PDE4B: variants seen among roughly 807,000 people sequenced by gnomAD.
The protein encoded by PDE4B is phosphodiesterase 4B.
A neutral mutation model predicts 82.2 loss-of-function variants in PDE4B; 20 were observed. That is an observed-to-expected ratio of 0.24 (90% CI 0.17 to 0.35). The LOEUF (loss-of-function observed/expected upper bound fraction) is 0.35. Among genes scored for constraint, PDE4B ranks in the 10% least tolerant of loss-of-function variants. The pLI is 1.00. For synonymous variants in PDE4B, 320 were observed against 318.9 expected, an observed-to-expected ratio of 1.00 and a Z score of -0.04; for missense variants, 655 against 907.2, an observed-to-expected ratio of 0.72 and a Z score of 3.57.
intron 8 of PDE4B, among the ~76,000 whole-genome samples, chr1:66,333,885 A>G (rs941722104): frequency 1.7e-4 from 26 of 152,220 alleles, no homozygotes; most frequent in Non-Finnish European, 3.1e-4. Context: ...GAAGGGAAAA[A>G]AAAAGAAAAG....
chr1:66,055,705 AG>A (rs1373710550), intron 3 of PDE4B, among the ~76,000 whole-genome samples: 1 of 152,234 alleles, frequency 6.6e-6, no homozygotes, highest in African/African-American at 2.4e-5. Context: ...TAAGAATGCC[AG>A]GTATTTTAAT....
intron 3 of PDE4B, among the ~76,000 whole-genome samples, chr1:66,082,676 G>A (rs12726241): frequency 0.23 from 34,943 of 149,762 alleles, 4,718 homozygotes; most frequent in Middle Eastern, 0.38. Flanking sequence ...CTTATAAAGC[G>A]CTCAGTAGAA....
chr1:66,189,219 T>C (rs514619), intron 3 of PDE4B, among the ~76,000 whole-genome samples: 111,035 of 151,706 alleles, frequency 0.73, 41,105 homozygotes, highest in Admixed American at 0.78. Flanking sequence ...AGTCTGATGG[T>C]TTCCCTTTGT....
At position 66,353,699 on chromosome 1, in the gene PDE4B, A is replaced by G. The variant is rs1662010831; in HGVS notation, c.748-1828A>G. Among the ~76,000 whole-genome samples, 5 of 152,198 alleles carry G rather than the reference A, an allele frequency of 3.3e-5. 1 individual carries two copies. In the South Asian group the frequency reaches 1.0e-3, roughly 32 times the overall value. ...CCTGTGCTTTAACGCTGACAAGGAG[A>G]AGGGAGGGGCTGGGAAGAAGGGAGA... On this transcript the variant is annotated intron_variant, in intron 8 of 16. Transcript: ENST00000341517.
At chr1:66,185,476 A>G (rs997519954) in intron 3 of PDE4B, among the ~76,000 whole-genome samples, 39 of 151,760 alleles carry the variant, frequency 2.6e-4, no homozygotes, top group Non-Finnish European at 5.3e-4. Context: ...AAGTGTTCCT[A>G]TTTCTCCACA....
intron 3 of PDE4B, among the ~76,000 whole-genome samples, chr1:66,130,458 T>G (rs1229624845): frequency 1.3e-5 from 2 of 152,094 alleles, no homozygotes; most frequent in African/African-American, 4.8e-5. Flanking sequence ...TTTGGGAAAA[T>G]ATGATCAATC....
chr1:66,033,818 T>C (rs1653931674), intron 3 of PDE4B, among the ~76,000 whole-genome samples: 2 of 152,028 alleles, frequency 1.3e-5, no homozygotes, highest in Admixed American at 6.6e-5. Flanking sequence ...AAGCTTTCCA[T>C]TCAAATTATC....
At chr1:66,265,497 T>C (rs1449845823) in intron 6 of PDE4B, among the ~76,000 whole-genome samples, 2 of 152,188 alleles carry the variant, frequency 1.3e-5, no homozygotes, top group Non-Finnish European at 2.9e-5. Flanking sequence ...AGTTCCTCCA[T>C]GAAAATTCTG....
intron 7 of PDE4B, among the ~76,000 whole-genome samples, chr1:66,328,841 C>T (rs1659912843): frequency 6.6e-6 from 1 of 152,212 alleles, no homozygotes; most frequent in Non-Finnish European, 1.5e-5. Context: ...TTGCCCTGGG[C>T]TGGCATGGCT....
rs191041578 is a variant in PDE4B, at chr1:66,089,858, A to G, written c.282-157602A>G. ...TCTGTCATTATGCTATTATAGAGTT[A>G]TTTTTCTATCATGATCTGATTGCCT... On this transcript the variant is annotated intron_variant, in intron 3 of 16. Transcript: ENST00000341517. 7.9e-5 allele frequency among the ~76,000 whole-genome samples: 12 copies of G among 152,080 alleles called. No individual in the cohort carries two copies. The East Asian group carries it at 2.1e-3, about 27-fold the overall frequency.
intron 3 of PDE4B, chr1:65,993,231 A>G: frequency 2.0e-6 from 2 of 1,012,398 alleles, no homozygotes; most frequent in Non-Finnish European, 2.9e-6. Context: ...GGAACATTTG[A>G]GTTTTGTTCC....
intron 7 of PDE4B, among the ~76,000 whole-genome samples, chr1:66,286,774 A>G (rs1195523148): frequency 2.0e-5 from 3 of 152,136 alleles, no homozygotes; most frequent in Admixed American, 2.0e-4. Context: ...AGGGAGGACA[A>G]TATTGAATCT....
rs1646975198 is a variant in PDE4B, at chr1:65,901,863, A to G, written c.-70-11382A>G. Among the ~76,000 whole-genome samples the G allele has an allele frequency of 3.3e-5, 5 of 151,948 alleles. No individual in the cohort carries two copies. In the South Asian group the frequency reaches 1.0e-3, roughly 32 times the overall value. On this transcript the variant is annotated intron_variant, in intron 1 of 16. Transcript: ENST00000341517. The stretch of plus-strand genomic sequence containing the variant: ...GGGATTAGTATGTTCTTATTTTTCT[A>G]GTCCCTCTAGGTGTCATCTTAGATC...
At chr1:66,051,204 T>C (rs1655008153) in intron 3 of PDE4B, among the ~76,000 whole-genome samples, 1 of 151,898 alleles carries the variant, frequency 6.6e-6, no homozygotes, top group Non-Finnish European at 1.5e-5. Flanking sequence ...ACTTAAAGTA[T>C]AATAATAATA....
chr1:66,364,444 A>T (rs531155320), intron 12 of PDE4B, among the ~76,000 whole-genome samples: 4 of 152,314 alleles, frequency 2.6e-5, no homozygotes, highest in African/African-American at 9.6e-5. Flanking sequence ...AACAATGTGT[A>T]CAGCAGGTCA....
At chr1:65,892,460 A>T (rs2100390079) in intron 1 of PDE4B, among the ~76,000 whole-genome samples, 1 of 152,246 alleles carries the variant, frequency 6.6e-6, no homozygotes, top group South Asian at 2.1e-4. Flanking sequence ...AAACCTATTT[A>T]TGCCTTATAG....
chr1:65,957,638 A>AT (rs1012347164), intron 3 of PDE4B, among the ~76,000 whole-genome samples: 3 of 151,964 alleles, frequency 2.0e-5, no homozygotes, highest in Non-Finnish European at 4.4e-5. Context: ...GGAAATTGGC[A>AT]TTTTTTTGGT....
At chr1:66,071,322 A>G (rs1272107579) in intron 3 of PDE4B, among the ~76,000 whole-genome samples, 1 of 152,128 alleles carries the variant, frequency 6.6e-6, no homozygotes, top group Non-Finnish European at 1.5e-5. Flanking sequence ...TGTAGTGGAT[A>G]ATTATATAAA....
chr1:66,337,544 G>A (rs946389281), intron 8 of PDE4B, among the ~76,000 whole-genome samples: 2 of 152,184 alleles, frequency 1.3e-5, no homozygotes, highest in African/African-American at 2.4e-5. Flanking sequence ...GGCTCACGAC[G>A]GCTGCTCACA....
Sources: gnomAD v4.1 joint callset for allele counts (sites outside exome capture counted in the v4.1 genomes callset) on GRCh38, gnomAD v4.1.1 for gene constraint, MANE v1.5 for transcripts, NCBI Gene and HGNC (gene_info 2026-07-23, HGNC 2026-07-21) for gene names.